The following HS6ST3 variants were observed in gnomAD, a reference collection of about 807,000 sequenced individuals.
The protein encoded by HS6ST3 is heparan-sulfate 6-O-sulfotransferase 3.
Under a neutral mutation model 36.7 loss-of-function variants are expected in HS6ST3, and 12 were observed. The ratio of observed to expected loss-of-function variants is 0.33; its 90% CI spans 0.21 to 0.53. HS6ST3 has a LOEUF of 0.53. Among genes scored for constraint, HS6ST3 ranks in the 20% least tolerant of loss-of-function variants. HS6ST3 has a pLI of 0.95. For missense variants in HS6ST3, 584 were observed against 640.9 expected, an observed-to-expected ratio of 0.91 and a Z score of 0.96; for synonymous variants, 240 against 257.5, an observed-to-expected ratio of 0.93 and a Z score of 0.65.
intron 1 of HS6ST3, among the ~76,000 whole-genome samples, chr13:96,389,755 A>G (rs964394140): frequency 6.6e-6 from 1 of 152,186 alleles, no homozygotes; most frequent in Non-Finnish European, 1.5e-5. Flanking sequence ...CCTTTATTTT[A>G]TAGATGAGGA....
chr13:96,551,679 T>G (rs1384352611), intron 1 of HS6ST3, among the ~76,000 whole-genome samples: 1 of 152,230 alleles, frequency 6.6e-6, no homozygotes, highest in Admixed American at 6.5e-5. Flanking sequence ...AGCCAGAGCC[T>G]TGAGTTGGGG....
rs1253832975 is a variant in HS6ST3 at position 96,091,000 on chromosome 13, C to G, written c.138C>G (p.Ala46=). 11 of 1,302,658 alleles carry G rather than the reference C, an allele frequency of 8.4e-6. No individual in the cohort carries two copies. The highest frequency in any genetic ancestry group is 1.5e-5 in the African/African-American group (1 of 65,296). 80.7% of individuals were successfully genotyped at this position (1,302,658 alleles called of 1,614,324 possible). A position where few individuals can be genotyped will look rare whatever the true frequency, so the allele number is the denominator to read the frequency against. Residue 46 remains alanine, a synonymous_variant, in exon 1 of 2, where the codon GCC becomes GCG. Coordinates refer to ENST00000376705, the MANE Select transcript of HS6ST3 (RefSeq NM_153456.4). ...NFGEQPRAGE[A]GPPAVPGPAR... The stretch of plus-strand genomic sequence containing the variant: ...GGGAGCAGCCCCGCGCGGGGGAGGC[C>G]GGCCCGCCCGCCGTCCCGGGTCCCG...
At chr13:96,508,983 G>T (rs3900019) in intron 1 of HS6ST3, among the ~76,000 whole-genome samples, 110,201 of 152,070 alleles carry the variant, frequency 0.72, 41,926 homozygotes, top group Non-Finnish European at 0.83. Flanking sequence ...GAATATATGC[G>T]TTCCCTTCTC....
At chr13:96,166,620 C>A (rs2054161906) in intron 1 of HS6ST3, among the ~76,000 whole-genome samples, 1 of 140,952 alleles carries the variant, frequency 7.1e-6, no homozygotes, top group Non-Finnish European at 1.5e-5. Context: ...CTGTGTTGAC[C>A]AGGCTGGTCT....
At chr13:96,414,973 G>T (rs1269157981) in intron 1 of HS6ST3, among the ~76,000 whole-genome samples, 1 of 152,046 alleles carries the variant, frequency 6.6e-6, no homozygotes, top group African/African-American at 2.4e-5. Context: ...TTCAAAAAAT[G>T]AGATCATTTT....
intron 1 of HS6ST3, among the ~76,000 whole-genome samples, chr13:96,781,268 A>G (rs1018840507): frequency 6.6e-6 from 1 of 152,194 alleles, no homozygotes; most frequent in Non-Finnish European, 1.5e-5. Context: ...TGAATTAGGG[A>G]AAGGCACTAC....
chr13:96,381,387 T>C (rs1035062835), intron 1 of HS6ST3, among the ~76,000 whole-genome samples: 1 of 69,330 alleles, frequency 1.4e-5, no homozygotes, highest in Non-Finnish European at 3.2e-5. Context: ...TCTATCTATG[T>C]ATCTATGTAT....
At chr13:96,492,328 C>T (rs1278825891) in intron 1 of HS6ST3, among the ~76,000 whole-genome samples, 4 of 152,190 alleles carry the variant, frequency 2.6e-5, no homozygotes, top group East Asian at 3.9e-4. Context: ...TAGCATCTTA[C>T]GTTACTTCAA....
intron 1 of HS6ST3, among the ~76,000 whole-genome samples, chr13:96,180,100 G>A (rs1369150876): frequency 6.6e-6 from 1 of 152,178 alleles, no homozygotes; most frequent in African/African-American, 2.4e-5. Context: ...CTCCCAAAGT[G>A]TTGGGATTAC....
At chr13:96,333,748 C>T (rs1279510773) in intron 1 of HS6ST3, among the ~76,000 whole-genome samples, 3 of 152,240 alleles carry the variant, frequency 2.0e-5, no homozygotes, top group African/African-American at 7.2e-5. Flanking sequence ...GCAGGACACT[C>T]CACACTGACA....
intron 1 of HS6ST3, among the ~76,000 whole-genome samples, chr13:96,665,111 G>A (rs896999873): frequency 6.6e-6 from 1 of 152,154 alleles, no homozygotes; most frequent in Non-Finnish European, 1.5e-5. Flanking sequence ...GGTCAAGGCT[G>A]CAGTGAGCTG....
At chr13:96,392,969 C>T (rs2055403315) in intron 1 of HS6ST3, among the ~76,000 whole-genome samples, 1 of 152,174 alleles carries the variant, frequency 6.6e-6, no homozygotes. Context: ...ATAATTCCTA[C>T]CTGCTATGGG....
intron 1 of HS6ST3, among the ~76,000 whole-genome samples, chr13:96,745,283 A>G (rs1326979649): frequency 6.6e-6 from 1 of 152,114 alleles, no homozygotes; most frequent in Non-Finnish European, 1.5e-5. Context: ...GCTATCCTCA[A>G]TTTGAACCTA....
In HS6ST3 at chr13:96,742,050, G is replaced by A. The variant is rs139706217; in HGVS notation, c.708-90440G>A. ...ATCTTTAAAGTTATATGAACATCCC[G>A]TTGAGAGAGAGTGTGTGAAAGCGGT... On this transcript the variant is annotated intron_variant, in intron 1 of 1. Transcript: ENST00000376705. Among the ~76,000 whole-genome samples, 9 of 152,216 alleles carry A rather than the reference G, an allele frequency of 5.9e-5. No homozygotes were observed. The South Asian group carries it at 8.3e-4, about 14-fold the overall frequency.
intron 1 of HS6ST3, among the ~76,000 whole-genome samples, chr13:96,586,894 C>A (rs562388475): frequency 1.3e-5 from 2 of 152,260 alleles, no homozygotes; most frequent in East Asian, 3.9e-4. Flanking sequence ...TGTCATAGAA[C>A]TTTTCTCCTA....
At chr13:96,818,929 T>C (rs1195352338) in intron 1 of HS6ST3, among the ~76,000 whole-genome samples, 1 of 152,244 alleles carries the variant, frequency 6.6e-6, no homozygotes, top group African/African-American at 2.4e-5. Flanking sequence ...ATTGGATAAA[T>C]TGAGGATCAA....
intron 1 of HS6ST3, among the ~76,000 whole-genome samples, chr13:96,807,790 C>T (rs1355213865): frequency 2.7e-5 from 4 of 149,640 alleles, no homozygotes; most frequent in Non-Finnish European, 4.4e-5. Flanking sequence ...GGTGGGAACC[C>T]GGGAGGTGGA....
intron 1 of HS6ST3, among the ~76,000 whole-genome samples, chr13:96,528,864 G>C (rs992403002): frequency 1.3e-5 from 2 of 152,072 alleles, no homozygotes; most frequent in Non-Finnish European, 2.9e-5. Context: ...GAAGCAGATA[G>C]GGTAATCCAG....
chr13:96,532,621 AAT>A (rs1338694251), intron 1 of HS6ST3, among the ~76,000 whole-genome samples: 1 of 152,184 alleles, frequency 6.6e-6, no homozygotes, highest in Non-Finnish European at 1.5e-5. Context: ...TGAGTTTGAG[AAT>A]GAGGCTGCAG....
Sources: gnomAD v4.1 joint callset for allele counts (sites outside exome capture counted in the v4.1 genomes callset) on GRCh38, gnomAD v4.1.1 for gene constraint, MANE v1.5 for transcripts, NCBI Gene and HGNC (gene_info 2026-07-23, HGNC 2026-07-21) for gene names.